Variants in ANKRD45 observed in about 807,000 individuals in gnomAD.
ANKRD45 encodes ankyrin repeat domain-containing protein 45.
In ANKRD45, 21 loss-of-function variants were observed where a neutral mutation model predicts 28.1. That is an observed-to-expected ratio of 0.75 (90% CI 0.53 to 1.08). The LOEUF (loss-of-function observed/expected upper bound fraction) is 1.08. ANKRD45 is among the 50% of genes least tolerant of loss of function. ANKRD45 has a pLI of 0.00. For missense variants in ANKRD45, 261 were observed against 308.7 expected (o/e 0.85, Z 1.16); for synonymous variants, 86 against 103.9 (o/e 0.83, Z 1.05).
chr1:173,672,037 G>A (rs536495091), upstream of ANKRD45, among the ~76,000 whole-genome samples: 11 of 152,048 alleles, frequency 7.2e-5, no homozygotes, highest in African/African-American at 2.4e-4. Flanking sequence ...AACTTGCCTC[G>A]GTCTCTTCTT....
chr1:173,709,978 TA>T, the ANKRD45 span, among the ~76,000 whole-genome samples: 1 of 152,206 alleles, frequency 6.6e-6, no homozygotes, highest in Non-Finnish European at 1.5e-5. Flanking sequence ...CAATCGTAAT[TA>T]AACAACTAAT....
intron 2 of ANKRD45, among the ~76,000 whole-genome samples, chr1:173,656,568 T>C (rs1347218227): frequency 6.6e-6 from 1 of 152,166 alleles, no homozygotes; most frequent in Non-Finnish European, 1.5e-5. Flanking sequence ...CCAATTACTG[T>C]GATGTATGGC....
chr1:173,706,128 C>A, the ANKRD45 span, among the ~76,000 whole-genome samples: 3 of 151,632 alleles, frequency 2.0e-5, no homozygotes, highest in Non-Finnish European at 4.4e-5. Flanking sequence ...TATGGTGAAA[C>A]CCTATCTCTA....
rs58700869 is a variant in ANKRD45, at chr1:173,635,426, G to A, written c.497-8267C>T. 3,269 of 949,816 alleles carry A rather than the reference G, an allele frequency of 3.4e-3. 60 individuals are homozygous for A. In the African/African-American group the frequency reaches 0.04, roughly 12 times the overall value. 58.8% of individuals were successfully genotyped at this position (949,816 alleles called of 1,614,324 possible). On this transcript the variant is annotated intron_variant, in intron 3 of 5. Transcript: ENST00000333279. ...CTCCTGGTATTTTCTGCTTCCCTTC[G>A]TAGGGAATTTAGTTATTTTATTTTA...
intron 2 of ANKRD45, among the ~76,000 whole-genome samples, chr1:173,651,473 C>T (rs1404835432): frequency 6.6e-6 from 1 of 152,190 alleles, no homozygotes; most frequent in South Asian, 2.1e-4. Flanking sequence ...GGTACCAGTA[C>T]CATGCTGTTT....
chr1:173,702,862 A>G, the ANKRD45 span, among the ~76,000 whole-genome samples: 1 of 151,822 alleles, frequency 6.6e-6, no homozygotes, highest in Non-Finnish European at 1.5e-5. Context: ...CATTAGGACA[A>G]TAGACATGCA....
Position 173,667,482 on chromosome 1 carries a change from T to C in ANKRD45, c.-16+2335A>G, listed in dbSNP as rs558938329. Among the ~76,000 whole-genome samples the C allele has an allele frequency of 7.2e-5, 11 of 152,104 alleles. No homozygotes were observed. In the East Asian group the frequency reaches 2.1e-3, roughly 29 times the overall value. On this transcript the variant is annotated intron_variant, in intron 1 of 5. Transcript: ENST00000333279. ...ATACTGGGAGGCTGAGGTGGGCGGATCACAAGGTCAGGAGTTCAAGACCAG... is the reference window on the plus strand; with the variant it reads ...ATACTGGGAGGCTGAGGTGGGCGGACCACAAGGTCAGGAGTTCAAGACCAG...
chr1:173,646,089 A>T (rs1366680376), intron 3 of ANKRD45, among the ~76,000 whole-genome samples: 1 of 152,250 alleles, frequency 6.6e-6, no homozygotes, highest in Non-Finnish European at 1.5e-5. Flanking sequence ...ATGCAAAATA[A>T]ATGCTGTAAA....
At chr1:173,667,809 T>A in intron 1 of ANKRD45, 1 of 385,270 alleles carries the variant, frequency 2.6e-6, no homozygotes, top group Non-Finnish European at 5.0e-6. Flanking sequence ...ACTCTTCCCT[T>A]TTCCAACTAT....
intron 3 of ANKRD45, chr1:173,635,803 T>G: frequency 2.6e-6 from 4 of 1,535,404 alleles, no homozygotes; most frequent in Non-Finnish European, 2.6e-6. Context: ...TTGTTTTGTC[T>G]GTGCATTACC....
At position 173,660,139 on chromosome 1, in the gene ANKRD45, G is replaced by A. The variant is rs569347009; in HGVS notation, c.-15-706C>T. On this transcript the variant is annotated intron_variant, in intron 1 of 5. Transcript: ENST00000333279. ...GCCCGTGTTGTAACAAGGTTTGAAG[G>A]AGGTACCTCTCACACATGAGCATGA... 3.9e-5 allele frequency among the ~76,000 whole-genome samples: 6 copies of A among 152,204 alleles called. No homozygotes were observed. The South Asian group carries it at 1.0e-3, about 26-fold the overall frequency.
At chr1:173,691,636 A>G in the ANKRD45 span, among the ~76,000 whole-genome samples, 1 of 152,234 alleles carries the variant, frequency 6.6e-6, no homozygotes, top group South Asian at 2.1e-4. Context: ...ATACAAAAAA[A>G]TTAGCCAGGC....
the ANKRD45 span, among the ~76,000 whole-genome samples, chr1:173,713,351 T>C: frequency 6.6e-6 from 1 of 152,208 alleles, no homozygotes; most frequent in African/African-American, 2.4e-5. Context: ...CTGTCCTTAA[T>C]TATTCCTGGG....
At chr1:173,616,066 G>A (rs181188964) in intron 5 of ANKRD45, among the ~76,000 whole-genome samples, 3,964 of 151,216 alleles carry the variant, frequency 0.026, 66 homozygotes, top group Non-Finnish European at 0.035. Context: ...TCATGCCACC[G>A]CACTCCAGCC....
At chr1:173,611,572 TACATAC>T (rs1164331024) in intron 5 of ANKRD45, among the ~76,000 whole-genome samples, 6 of 106,414 alleles carry the variant, frequency 5.6e-5, no homozygotes, top group African/African-American at 2.1e-4. Flanking sequence ...GCCTAATACA[TACATAC>T]ACACACACAC....
the ANKRD45 span, among the ~76,000 whole-genome samples, chr1:173,698,145 C>T: frequency 6.6e-6 from 1 of 152,190 alleles, no homozygotes; most frequent in African/African-American, 2.4e-5. Context: ...GCACCCAATA[C>T]AGGAGCACCC....
the ANKRD45 span, among the ~76,000 whole-genome samples, chr1:173,711,223 G>C: frequency 2.0e-5 from 3 of 152,170 alleles, no homozygotes; most frequent in East Asian, 5.8e-4. Flanking sequence ...ATCTGAGACA[G>C]GTCTCAGTTA....
the ANKRD45 span, among the ~76,000 whole-genome samples, chr1:173,680,499 T>TG: frequency 2.0e-5 from 3 of 151,818 alleles, no homozygotes; most frequent in Admixed American, 2.0e-4. Context: ...TGAGAACACA[T>TG]GGACACAGAG....
the ANKRD45 span, among the ~76,000 whole-genome samples, chr1:173,679,285 G>A: frequency 4.6e-5 from 7 of 152,144 alleles, no homozygotes; most frequent in Admixed American, 6.5e-5. Flanking sequence ...CATGCTACCT[G>A]ACTTCAAACT....
Sources: gnomAD v4.1 joint callset for allele counts (sites outside exome capture counted in the v4.1 genomes callset) on GRCh38, gnomAD v4.1.1 for gene constraint, MANE v1.5 for transcripts, NCBI Gene and HGNC (gene_info 2026-07-23, HGNC 2026-07-21) for gene names.